The following CTNNA3 variants were observed in gnomAD, a reference collection of about 807,000 sequenced individuals.
CTNNA3 encodes the protein catenin alpha-3.
Under a neutral mutation model 95.7 loss-of-function variants are expected in CTNNA3, and 76 were observed. The observed-to-expected ratio is 0.79, with a 90% CI of 0.66 to 0.96. The LOEUF is 0.96. Ranked by LOEUF, CTNNA3 falls within the 40% of genes least tolerant of loss-of-function variation. CTNNA3 has a pLI of 0.00. For missense variants in CTNNA3, 1,191 were observed against 1,089.8 expected (o/e 1.09, Z -1.31); for synonymous variants, 431 against 374.4 (o/e 1.15, Z -1.74).
In CTNNA3 at chr10:66,548,650, G is replaced by A. The variant is rs540972177; in HGVS notation, c.1375-27877C>T. Among the ~76,000 whole-genome samples the A allele has an allele frequency of 1.4e-4, 22 of 152,178 alleles. No homozygotes were observed. In the South Asian group the frequency reaches 4.6e-3, roughly 32 times the overall value. ...GATTTTGTCAGATATTTTTCTGCATGTATTCAAGTGATCATCCAATATTTT... is the reference window on the plus strand; with the variant it reads ...GATTTTGTCAGATATTTTTCTGCATATATTCAAGTGATCATCCAATATTTT... On this transcript the variant is annotated intron_variant, in intron 10 of 17. Coordinates refer to ENST00000433211, the MANE Select transcript of CTNNA3 (RefSeq NM_013266.4).
At chr10:67,600,665 G>T (rs192805372) in intron 3 of CTNNA3, among the ~76,000 whole-genome samples, 4 of 152,232 alleles carry the variant, frequency 2.6e-5, no homozygotes, top group Non-Finnish European at 5.9e-5. Context: ...TACTAAAGCT[G>T]GGCATATGTA....
chr10:67,154,881 C>A (rs76397424), intron 7 of CTNNA3, among the ~76,000 whole-genome samples: 12 of 152,086 alleles, frequency 7.9e-5, no homozygotes, highest in Non-Finnish European at 1.3e-4. Flanking sequence ...AGGATGTCTG[C>A]ATAAACTGTT....
At position 66,464,111 on chromosome 10, in the gene CTNNA3, T is replaced by A. The variant is rs1263850133; in HGVS notation, c.1531+56506A>T. 2.0e-5 allele frequency among the ~76,000 whole-genome samples: 3 copies of A among 152,126 alleles called. No individual in the cohort carries two copies. In the South Asian group the frequency reaches 6.2e-4, roughly 31 times the overall value. On this transcript the variant is annotated intron_variant, in intron 11 of 17. Coordinates refer to ENST00000433211, the MANE Select transcript of CTNNA3 (RefSeq NM_013266.4). ...CAAGAGTTACGGGAAAGGGAAAGTA[T>A]GTTCGTTAGGCAAAATTCCATGAAA... is the stretch of plus-strand genomic sequence containing the variant.
intron 7 of CTNNA3, among the ~76,000 whole-genome samples, chr10:67,018,068 G>C (rs1486966121): frequency 6.6e-6 from 1 of 152,010 alleles, no homozygotes; most frequent in African/African-American, 2.4e-5. Flanking sequence ...CACCATGCCT[G>C]GCCTGTGGAT....
At chr10:67,689,229 T>C (rs193278912) in intron 1 of CTNNA3, among the ~76,000 whole-genome samples, 18 of 152,280 alleles carry the variant, frequency 1.2e-4, no homozygotes, top group African/African-American at 4.3e-4. Flanking sequence ...TCCTCACTTA[T>C]ATGAATAGGA....
intron 7 of CTNNA3, among the ~76,000 whole-genome samples, chr10:66,845,830 C>T (rs1843252390): frequency 6.8e-6 from 1 of 146,112 alleles, no homozygotes; most frequent in Non-Finnish European, 1.5e-5. Context: ...TATTATTCAA[C>T]CTTAGGAAAG....
chr10:66,801,147 G>T (rs1253672610), intron 7 of CTNNA3, among the ~76,000 whole-genome samples: 1 of 151,116 alleles, frequency 6.6e-6, no homozygotes, highest in Non-Finnish European at 1.5e-5. Flanking sequence ...ATCCAATGAG[G>T]CAAGGCAAAA....
At chr10:67,111,855 C>CATGGGA (rs1457832778) in intron 7 of CTNNA3, among the ~76,000 whole-genome samples, 1 of 151,996 alleles carries the variant, frequency 6.6e-6, no homozygotes, top group African/African-American at 2.4e-5. Flanking sequence ...AAGTAAGCTT[C>CATGGGA]TCATCATAGC....
intron 7 of CTNNA3, chr10:66,837,751 G>T (rs567352530): frequency 1.3e-5 from 2 of 152,132 alleles, no homozygotes; most frequent in Non-Finnish European, 2.9e-5. Context: ...TTAGGAAAAG[G>T]TATGTCCCAA....
At chr10:66,308,159 T>A (rs1005771573) in intron 12 of CTNNA3, among the ~76,000 whole-genome samples, 1 of 152,200 alleles carries the variant, frequency 6.6e-6, no homozygotes, top group African/African-American at 2.4e-5. Flanking sequence ...TAAGATGCCA[T>A]CAGATAACAT....
At chr10:66,020,153 C>A (rs2079174176) in intron 15 of CTNNA3, among the ~76,000 whole-genome samples, 1 of 152,118 alleles carries the variant, frequency 6.6e-6, no homozygotes, top group Admixed American at 6.5e-5. Context: ...AACAGCAAAA[C>A]AAATTCCATT....
intron 7 of CTNNA3, among the ~76,000 whole-genome samples, chr10:67,047,204 T>C (rs1188520978): frequency 4.6e-5 from 7 of 152,208 alleles, no homozygotes; most frequent in African/African-American, 1.7e-4. Flanking sequence ...TTTAACATTT[T>C]TTCTGGAGCC....
At chr10:67,106,853 G>A (rs1589746911) in intron 7 of CTNNA3, among the ~76,000 whole-genome samples, 2 of 152,208 alleles carry the variant, frequency 1.3e-5, no homozygotes, top group South Asian at 2.1e-4. Flanking sequence ...CCTCTTGGAA[G>A]GTAAGAAAAT....
chr10:66,566,989 AG>A (rs541710443), intron 10 of CTNNA3, among the ~76,000 whole-genome samples: 185 of 13,832 alleles, frequency 0.013, 2 homozygotes, highest in Non-Finnish European at 0.023. Flanking sequence ...AGAGGATGGT[AG>A]GGGGAGGGGG....
intron 9 of CTNNA3, among the ~76,000 whole-genome samples, chr10:66,758,872 T>C (rs1347083566): frequency 6.6e-6 from 1 of 151,856 alleles, no homozygotes; most frequent in Non-Finnish European, 1.5e-5. Flanking sequence ...GAGGCAGAGG[T>C]TGCCGTGAGC....
intron 1 of CTNNA3, among the ~76,000 whole-genome samples, chr10:67,688,591 T>C (rs557857111): frequency 4.5e-4 from 68 of 152,294 alleles, no homozygotes; most frequent in African/African-American, 1.4e-3. Flanking sequence ...AGAGAGAATA[T>C]TGGGGCCAGG....
intron 7 of CTNNA3, among the ~76,000 whole-genome samples, chr10:66,819,102 A>T (rs1000738525): frequency 5.3e-5 from 8 of 151,616 alleles, no homozygotes; most frequent in African/African-American, 7.3e-5. Flanking sequence ...TAAAAAAAAA[A>T]AAAAAAAAAA....
At chr10:66,420,341 C>T (rs975122547) in intron 11 of CTNNA3, among the ~76,000 whole-genome samples, 2 of 152,172 alleles carry the variant, frequency 1.3e-5, no homozygotes, top group African/African-American at 4.8e-5. Flanking sequence ...TATTATCTTA[C>T]TCCAGTTAGG....
At position 66,936,894 on chromosome 10, in the gene CTNNA3, A is replaced by C. The variant is rs1470698518; in HGVS notation, c.1048-161370T>G. 2.0e-5 allele frequency among the ~76,000 whole-genome samples: 3 copies of C among 152,220 alleles called. No individual in the cohort carries two copies. In the East Asian group the frequency reaches 5.8e-4, roughly 29 times the overall value. On this transcript the variant is annotated intron_variant, in intron 7 of 17. Transcript: ENST00000433211. ...ATGAAAGTCTTCAGCTAAAGGTAAG[A>C]AAGTTATATATTAAGAGCAGGCATA...
Sources: gnomAD v4.1 joint callset for allele counts (sites outside exome capture counted in the v4.1 genomes callset) on GRCh38, gnomAD v4.1.1 for gene constraint, MANE v1.5 for transcripts, NCBI Gene and HGNC (gene_info 2026-07-23, HGNC 2026-07-21) for gene names.